CFAP20DC: variants seen among roughly 807,000 people sequenced by gnomAD.
The protein encoded by CFAP20DC is protein CFAP20DC.
CFAP20DC carries 84 observed loss-of-function variants against 101.7 expected under a neutral mutation model. The ratio of observed to expected loss-of-function variants is 0.83; its 90% CI spans 0.69 to 0.99. CFAP20DC has a LOEUF of 0.99. Ranked by LOEUF, CFAP20DC falls within the 50% of genes least tolerant of loss-of-function variation. The pLI, the probability that CFAP20DC is intolerant of heterozygous loss-of-function variation, is 0.00. For synonymous variants in CFAP20DC, 359 were observed against 351.2 expected, an observed-to-expected ratio of 1.02 and a Z score of -0.25; for missense variants, 1,007 against 970.3, an observed-to-expected ratio of 1.04 and a Z score of -0.50.
At chr3:58,921,935 T>TA (rs1370727790) in intron 5 of CFAP20DC, among the ~76,000 whole-genome samples, 2 of 152,200 alleles carry the variant, frequency 1.3e-5, no homozygotes, top group Admixed American at 6.5e-5. Flanking sequence ...TTAACCTCCT[T>TA]ATCATTGTGA....
intron 4 of CFAP20DC, among the ~76,000 whole-genome samples, chr3:59,023,935 T>G (rs1399275211): frequency 2.0e-5 from 3 of 152,078 alleles, no homozygotes; most frequent in African/African-American, 7.2e-5. Context: ...ATAAACATTT[T>G]CATCCCAAAA....
chr3:58,776,706 G>T (rs2071369315), intron 15 of CFAP20DC, among the ~76,000 whole-genome samples: 1 of 150,370 alleles, frequency 6.7e-6, no homozygotes, highest in South Asian at 2.1e-4. Context: ...TTTTTCTCTT[G>T]CTAATCTGTT....
intron 3 of CFAP20DC, among the ~76,000 whole-genome samples, chr3:59,043,428 G>A (rs1042055568): frequency 1.1e-4 from 17 of 151,900 alleles, no homozygotes; most frequent in African/African-American, 3.9e-4. Context: ...ACTGTCCACC[G>A]GATTCAGGAA....
intron 10 of CFAP20DC, among the ~76,000 whole-genome samples, chr3:58,867,200 A>C (rs1193759334): frequency 1.3e-5 from 2 of 152,212 alleles, no homozygotes; most frequent in African/African-American, 4.8e-5. Context: ...TACATTTTTG[A>C]GAAATTAGGC....
chr3:58,982,673 C>T (rs972307239), intron 4 of CFAP20DC, among the ~76,000 whole-genome samples: 11 of 125,806 alleles, frequency 8.7e-5, no homozygotes, highest in African/African-American at 3.4e-4. Context: ...CACATGGACA[C>T]AGGAAGGGGA....
intron 4 of CFAP20DC, among the ~76,000 whole-genome samples, chr3:58,983,789 T>C (rs1172667222): frequency 2.0e-5 from 3 of 152,178 alleles, no homozygotes; most frequent in Non-Finnish European, 2.9e-5. Context: ...ATGGGATATG[T>C]CCTTTTATTA....
intron 3 of CFAP20DC, among the ~76,000 whole-genome samples, chr3:59,045,394 A>C (rs1699770187): frequency 1.3e-5 from 2 of 152,158 alleles, no homozygotes; most frequent in Admixed American, 6.5e-5. Context: ...GTAAAAAAAA[A>C]ACTTTATATT....
chr3:58,717,064 C>T (rs1420725778), downstream of CFAP20DC, among the ~76,000 whole-genome samples: 1 of 152,064 alleles, frequency 6.6e-6, no homozygotes, highest in Non-Finnish European at 1.5e-5. The surrounding 1 kb of genome is among the most constrained non-coding windows in gnomAD (Gnocchi z 4.1). Context: ...CTCTGACATG[C>T]AAATGCCTTA....
At chr3:58,967,604 A>T (rs982764354) in intron 4 of CFAP20DC, among the ~76,000 whole-genome samples, 1 of 152,220 alleles carries the variant, frequency 6.6e-6, no homozygotes, top group Admixed American at 6.5e-5. Flanking sequence ...TTTACAAATC[A>T]TATATCTGAT....
chr3:58,933,677 G>A (rs921723341), intron 5 of CFAP20DC, among the ~76,000 whole-genome samples: 1 of 151,872 alleles, frequency 6.6e-6, no homozygotes, highest in South Asian at 2.1e-4. Flanking sequence ...TGACTACTGG[G>A]TACATAATGA....
intron 14 of CFAP20DC, among the ~76,000 whole-genome samples, chr3:58,809,192 C>G (rs558976992): frequency 6.6e-6 from 1 of 152,020 alleles, no homozygotes; most frequent in Non-Finnish European, 1.5e-5. Context: ...CAGCTCTGCA[C>G]CAAGCGGACC....
At chr3:58,865,814 C>G (rs966420011) in intron 11 of CFAP20DC, among the ~76,000 whole-genome samples, 8 of 152,156 alleles carry the variant, frequency 5.3e-5, no homozygotes, top group Non-Finnish European at 7.3e-5. Context: ...TATCAACTGT[C>G]AAAAAGTCAA....
chr3:58,909,548 A>AT (rs756163421), intron 6 of CFAP20DC, among the ~76,000 whole-genome samples: 2 of 151,798 alleles, frequency 1.3e-5, no homozygotes, highest in East Asian at 1.9e-4. Flanking sequence ...TATCAGATAC[A>AT]TTTTTTTCCT....
chr3:58,893,015 G>A (rs113558702), intron 6 of CFAP20DC, among the ~76,000 whole-genome samples: 8,612 of 150,854 alleles, frequency 0.057, 804 homozygotes, highest in African/African-American at 0.2. Flanking sequence ...TTCAACACCT[G>A]GTTTATTGAG....
chr3:58,817,209 T>C (rs534472982), intron 14 of CFAP20DC, among the ~76,000 whole-genome samples: 3 of 151,974 alleles, frequency 2.0e-5, no homozygotes, highest in South Asian at 2.1e-4. Flanking sequence ...ACAGAAAAAC[T>C]GGAAACTCTA....
At position 58,788,686 on chromosome 3, in the gene CFAP20DC, CTAGTATAT is replaced by C. The variant is rs1479640737; in HGVS notation, c.2237+17701_2237+17708del. ...TTAGACACACATTTAGGGCACTAAT[CTAGTATAT>C]AAATTGCACAGTTTTTAATCTCAGC... On this transcript the variant is annotated intron_variant, in intron 15 of 16. Coordinates refer to ENST00000482387, the MANE Select transcript of CFAP20DC (RefSeq NM_001394063.1). The surrounding 1 kb of genome is among the most constrained non-coding windows in gnomAD (Gnocchi z 4.2). Among the ~76,000 whole-genome samples, 3 of 152,066 alleles carry C rather than the reference CTAGTATAT, an allele frequency of 2.0e-5. No individual in the cohort carries two copies. The highest frequency in any genetic ancestry group is 4.4e-5 in the Non-Finnish European group (3 of 68,014).
intron 4 of CFAP20DC, among the ~76,000 whole-genome samples, chr3:58,947,242 A>G (rs867298414): frequency 6.6e-6 from 1 of 152,230 alleles, no homozygotes; most frequent in Non-Finnish European, 1.5e-5. Context: ...AAAAAGATAT[A>G]AGACCAGCCA....
At chr3:59,025,752 T>G (rs536449870) in intron 4 of CFAP20DC, among the ~76,000 whole-genome samples, 1 of 152,330 alleles carries the variant, frequency 6.6e-6, no homozygotes, top group South Asian at 2.1e-4. Flanking sequence ...ATCATTTAAC[T>G]GCACAGTGGT....
intron 4 of CFAP20DC, among the ~76,000 whole-genome samples, chr3:59,004,797 A>G (rs1031530515): frequency 1.3e-5 from 2 of 152,160 alleles, no homozygotes; most frequent in African/African-American, 4.8e-5. Flanking sequence ...TTCATTTCCA[A>G]TATCTGGCTA....
Sources: allele counts gnomAD v4.1 joint callset (sites outside exome capture counted in the v4.1 genomes callset), GRCh38; gene constraint gnomAD v4.1.1; non-coding constraint Gnocchi (gnomAD v3.1); transcripts MANE v1.5; gene names NCBI Gene and HGNC (gene_info 2026-07-23, HGNC 2026-07-21).